Variants in LURAP1L observed in about 807,000 individuals in gnomAD.
The protein encoded by LURAP1L is leucine rich adaptor protein 1 like.
A neutral mutation model predicts 13.8 loss-of-function variants in LURAP1L; 12 were observed. The observed-to-expected ratio is 0.87, with a 90% CI of 0.56 to 1.41. The LOEUF (loss-of-function observed/expected upper bound fraction) is 1.41. Among genes scored for constraint, LURAP1L ranks in the 40% most tolerant of loss-of-function variants. The pLI is 0.00. For missense variants in LURAP1L, 375 were observed against 292.9 expected, an observed-to-expected ratio of 1.28 and a Z score of -2.04; for synonymous variants, 139 against 119.2, an observed-to-expected ratio of 1.17 and a Z score of -1.08.
At chr9:12,809,823 T>C (rs1342663843) in intron 1 of LURAP1L, among the ~76,000 whole-genome samples, 1 of 152,236 alleles carries the variant, frequency 6.6e-6, no homozygotes, top group African/African-American at 2.4e-5. Flanking sequence ...AAATTTCCTC[T>C]AGTATCCTTG....
intron 1 of LURAP1L, among the ~76,000 whole-genome samples, chr9:12,787,572 T>C (rs1016760883): frequency 6.6e-6 from 1 of 152,164 alleles, no homozygotes; most frequent in Non-Finnish European, 1.5e-5. Flanking sequence ...TTCTCTACTC[T>C]CATCCTAGCC....
At position 12,775,898 on chromosome 9, in the gene LURAP1L, C is replaced by G. The variant is rs778078503; in HGVS notation, c.183C>G (p.Ser61Arg). The change falls in exon 1 of 2, where the codon AGC becomes AGG. Residue 61 changes from serine to arginine, a missense_variant. Ser to Arg is a moderately radical substitution (Grantham distance 110). Coordinates refer to ENST00000319264, the MANE Select transcript of LURAP1L (RefSeq NM_203403.2). The stretch of plus-strand genomic sequence containing the variant: ...GCGGCGGCTGCAGTAGCAGCAGCAG[C>G]TACTGCAGCTTCCCTCCCTCCTTGT... ...GGGGGCSSSS[S>R]YCSFPPSLSS... is the part of the protein sequence containing the mutation. 6.4e-7 allele frequency: 1 copy of G among 1,569,802 alleles called. No individual in the cohort carries two copies. Among genetic ancestry groups the G allele is most frequent in the East Asian group, 2.4e-5 (1 of 42,080 alleles).
chr9:12,787,313 C>A (rs185948986), intron 1 of LURAP1L, among the ~76,000 whole-genome samples: 1 of 152,132 alleles, frequency 6.6e-6, no homozygotes, highest in South Asian at 2.1e-4. Context: ...AAGTTCATGA[C>A]GCAGCCATTT....
chr9:12,786,497 T>A (rs1819352270), intron 1 of LURAP1L, among the ~76,000 whole-genome samples: 1 of 135,790 alleles, frequency 7.4e-6, no homozygotes, highest in Admixed American at 7.9e-5. Context: ...GAGAATAATA[T>A]TAATGAACCC....
At position 12,821,658 on chromosome 9, in the gene LURAP1L, C is replaced by A. The variant is rs1304678342; in HGVS notation, c.585C>A (p.Thr195=). ...CGGATGATGTCCCAGGCCATCAGAC[C>A]CCTTCAGACTTGGACCAATTCAGTG... The part of the protein sequence containing the change: ...TLADDVPGHQ[T]PSDLDQFSDS... The change falls in exon 2 of 2, where the codon ACC becomes ACA. Residue 195 remains threonine, a synonymous_variant. Transcript: ENST00000319264. 6.2e-7 allele frequency: 1 copy of A among 1,614,112 alleles called. No homozygotes were observed. The highest frequency in any genetic ancestry group is 8.5e-7 in the Non-Finnish European group (1 of 1,180,024).
chr9:12,807,128 G>A (rs1819671145), intron 1 of LURAP1L, among the ~76,000 whole-genome samples: 1 of 130,292 alleles, frequency 7.7e-6, no homozygotes, highest in Non-Finnish European at 1.6e-5. Flanking sequence ...TTAGCCGGGC[G>A]TGGTGGCAGG....
At chr9:12,803,042 G>A (rs573947963) in intron 1 of LURAP1L, among the ~76,000 whole-genome samples, 1 of 152,172 alleles carries the variant, frequency 6.6e-6, no homozygotes, top group South Asian at 2.1e-4. Flanking sequence ...ACCACATACT[G>A]TCTGTACCTG....
chr9:12,776,132 G>C (rs1396663961), intron 1 of LURAP1L, 105 bp downstream of exon 1: 14 of 1,178,022 alleles, frequency 1.2e-5, no homozygotes, highest in East Asian at 2.4e-5. Flanking sequence ...GCTGCAGAGC[G>C]GAGCGCTGGG....
intron 1 of LURAP1L, among the ~76,000 whole-genome samples, chr9:12,786,544 T>TATA (rs1563888278): frequency 2.6e-4 from 5 of 19,282 alleles, no homozygotes; most frequent in African/African-American, 1.5e-3. Flanking sequence ...TGTATATATA[T>TATA]GACATATATA....
intron 1 of LURAP1L, among the ~76,000 whole-genome samples, chr9:12,784,289 G>T (rs1289473142): frequency 6.6e-6 from 1 of 152,128 alleles, no homozygotes; most frequent in Non-Finnish European, 1.5e-5. Flanking sequence ...GACAAGTGAG[G>T]TATTTATTGT....
rs1554657226 is a variant in LURAP1L at position 12,786,547 on chromosome 9, C to CTATATATATATATATAT, written c.312+10520_312+10521insTATATATATATATATAT. The stretch of plus-strand genomic sequence containing the variant: ...AAATGGCTAACATGTATATATATGA[C>CTATATATATATATATAT]ATATATATATATATATATATATATA... On this transcript the variant is annotated intron_variant, in intron 1 of 1. Coordinates refer to ENST00000319264, the MANE Select transcript of LURAP1L (RefSeq NM_203403.2). Among the ~76,000 whole-genome samples the CTATATATATATATATAT allele has an allele frequency of 6.0e-4, 32 of 53,026 alleles. 1 individual carries two copies. The highest frequency in any genetic ancestry group is 3.2e-3 in the South Asian group (3 of 934). The allele number at this position is 53,026 out of a possible 152,430, so 34.8% of individuals were successfully genotyped here.
chr9:12,800,818 CTT>C (rs1268315262), intron 1 of LURAP1L, among the ~76,000 whole-genome samples: 2 of 152,082 alleles, frequency 1.3e-5, no homozygotes, highest in African/African-American at 2.4e-5. Flanking sequence ...GAACAAAACT[CTT>C]TTAAATAAAT....
chr9:12,785,984 T>A (rs1208548345), intron 1 of LURAP1L, among the ~76,000 whole-genome samples: 2 of 152,214 alleles, frequency 1.3e-5, no homozygotes, highest in African/African-American at 4.8e-5. Context: ...TTTGCCTGCA[T>A]ATATTTGCAT....
chr9:12,792,901 T>G (rs1382922108), intron 1 of LURAP1L, among the ~76,000 whole-genome samples: 1 of 152,078 alleles, frequency 6.6e-6, no homozygotes, highest in Non-Finnish European at 1.5e-5. Flanking sequence ...CTAGTTCCAA[T>G]TATTCCTTAT....
At chr9:12,788,840 T>A (rs1819399377) in intron 1 of LURAP1L, among the ~76,000 whole-genome samples, 1 of 151,662 alleles carries the variant, frequency 6.6e-6, no homozygotes, top group Non-Finnish European at 1.5e-5. Context: ...TAAGAAAAAC[T>A]ATTTTGAGGT....
intron 1 of LURAP1L, among the ~76,000 whole-genome samples, chr9:12,782,078 C>A (rs1328616824): frequency 6.6e-6 from 1 of 152,150 alleles, no homozygotes; most frequent in Non-Finnish European, 1.5e-5. Context: ...CTATTCAGAT[C>A]TTTTGTCTAT....
chr9:12,786,581 T>TATAA (rs61134838), intron 1 of LURAP1L, among the ~76,000 whole-genome samples: 2 of 121,438 alleles, frequency 1.6e-5, no homozygotes, highest in Non-Finnish European at 1.8e-5. Flanking sequence ...TATATATATA[T>TATAA]AAACCCTTGT....
At chr9:12,806,806 T>A (rs1367521149) in intron 1 of LURAP1L, among the ~76,000 whole-genome samples, 3 of 151,914 alleles carry the variant, frequency 2.0e-5, no homozygotes, top group East Asian at 3.9e-4. Context: ...GAGGTGACAG[T>A]GTTGTCGCTA....
intron 1 of LURAP1L, among the ~76,000 whole-genome samples, chr9:12,776,406 T>C (rs1819184758): frequency 6.6e-6 from 1 of 152,142 alleles, no homozygotes; most frequent in African/African-American, 2.4e-5. Flanking sequence ...CTGTTAACAC[T>C]TCGGGTAGGT....
Sources: gnomAD v4.1 joint callset for allele counts (sites outside exome capture counted in the v4.1 genomes callset) on GRCh38, gnomAD v4.1.1 for gene constraint, MANE v1.5 for transcripts, NCBI Gene and HGNC (gene_info 2026-07-23, HGNC 2026-07-21) for gene names.